Variants in MSI2 observed in about 807,000 individuals in gnomAD.
MSI2 encodes musashi RNA binding protein 2.
A neutral mutation model predicts 45.6 loss-of-function variants in MSI2; 17 were observed. The ratio of observed to expected loss-of-function variants is 0.37; its 90% CI spans 0.26 to 0.56. The LOEUF (loss-of-function observed/expected upper bound fraction) is 0.56. MSI2 is among the 20% of genes least tolerant of loss of function. The pLI is 0.77. For missense variants in MSI2, 293 were observed against 444.2 expected (o/e 0.66, Z 3.06); for synonymous variants, 156 against 158.2 (o/e 0.99, Z 0.11).
chr17:57,260,608 A>G (rs1385240042), intron 4 of MSI2, among the ~76,000 whole-genome samples: 1 of 152,144 alleles, frequency 6.6e-6, no homozygotes, highest in Non-Finnish European at 1.5e-5. Context: ...GACAAGCGCT[A>G]GTCAGTGCTG....
At chr17:57,399,108 A>T (rs909519134) in intron 5 of MSI2, among the ~76,000 whole-genome samples, 1 of 152,172 alleles carries the variant, frequency 6.6e-6, no homozygotes, top group Non-Finnish European at 1.5e-5. Context: ...TACCAGGGAG[A>T]CTTAAGGAAT....
At chr17:57,528,150 C>T (rs573092310) in intron 6 of MSI2, among the ~76,000 whole-genome samples, 5 of 152,030 alleles carry the variant, frequency 3.3e-5, no homozygotes, top group African/African-American at 1.2e-4. Context: ...CAACCTTGAG[C>T]ACAAAGTAAA....
At chr17:57,439,895 G>A (rs1183299106) in intron 6 of MSI2, among the ~76,000 whole-genome samples, 2 of 152,038 alleles carry the variant, frequency 1.3e-5, no homozygotes, top group Non-Finnish European at 2.9e-5. Flanking sequence ...ACAATGAAGA[G>A]AATTGAGAAA....
intron 11 of MSI2, among the ~76,000 whole-genome samples, chr17:57,673,158 T>C (rs1385621644): frequency 6.6e-6 from 1 of 152,316 alleles, no homozygotes; most frequent in East Asian, 1.9e-4. Flanking sequence ...CCCGTGTATC[T>C]TTGTGTCTCT....
intron 6 of MSI2, among the ~76,000 whole-genome samples, chr17:57,481,030 G>A (rs1391331158): frequency 1.3e-5 from 2 of 152,212 alleles, no homozygotes; most frequent in Non-Finnish European, 2.9e-5. Flanking sequence ...TCATAGTACA[G>A]GATGGTATAC....
chr17:57,344,060 G>T (rs1915393406), intron 5 of MSI2, among the ~76,000 whole-genome samples: 1 of 152,176 alleles, frequency 6.6e-6, no homozygotes, highest in Non-Finnish European at 1.5e-5. Context: ...AGCAGTCTGT[G>T]GGGAGATGCT....
chr17:57,670,692 T>C lies in MSI2; in HGVS notation c.791-4280T>C, dbSNP rs181606059. On this transcript the variant is annotated intron_variant, in intron 11 of 13. Coordinates refer to ENST00000284073, the MANE Select transcript of MSI2 (RefSeq NM_138962.4). ...GCCCAAGATGATTAAATGCACCAAA[T>C]GGATAAATTGGGTTTTTTGTCAATC... Among the ~76,000 whole-genome samples the C allele has an allele frequency of 3.8e-4, 58 of 152,288 alleles. 1 individual carries two copies. Among genetic ancestry groups the C allele is most frequent in the Admixed American group, 3.5e-3 (53 of 15,304 alleles).
At chr17:57,686,621 CA>C (rs113532596), downstream of MSI2, among the ~76,000 whole-genome samples, 3,075 of 152,194 alleles carry the variant, frequency 0.02, 97 homozygotes, top group African/African-American at 0.069. Flanking sequence ...ATGTCAGTAT[CA>C]GACAGAGTGG....
intron 12 of MSI2, 91 bp from the exon 13 acceptor site, chr17:57,676,896 A>G (rs1417827451): frequency 2.3e-6 from 2 of 862,008 alleles, no homozygotes; most frequent in African/African-American, 3.3e-5. Flanking sequence ...CAACCACAGA[A>G]CTAGTCCTAG....
At chr17:57,579,380 G>A (rs1220204071) in intron 7 of MSI2, among the ~76,000 whole-genome samples, 1 of 152,218 alleles carries the variant, frequency 6.6e-6, no homozygotes, top group Non-Finnish European at 1.5e-5. Flanking sequence ...CCCATGCTGG[G>A]TGGTGGGAGA....
At chr17:57,401,035 G>A (rs2083979757) in intron 5 of MSI2, among the ~76,000 whole-genome samples, 2 of 152,150 alleles carry the variant, frequency 1.3e-5, no homozygotes, top group Non-Finnish European at 1.5e-5. Context: ...TTATGCATTT[G>A]GGTCTGTTTT....
At chr17:57,396,884 G>A (rs1361160128) in intron 5 of MSI2, among the ~76,000 whole-genome samples, 1 of 152,240 alleles carries the variant, frequency 6.6e-6, no homozygotes, top group Non-Finnish European at 1.5e-5. Context: ...CCTGCTGGGA[G>A]AGGGGGCTGT....
chr17:57,290,984 C>T (rs992716907), intron 5 of MSI2, among the ~76,000 whole-genome samples: 4 of 152,220 alleles, frequency 2.6e-5, no homozygotes, highest in Non-Finnish European at 5.9e-5. Flanking sequence ...CGAGATGCCC[C>T]TGGGTGTCAG....
chr17:57,531,016 G>A (rs953857322), intron 7 of MSI2, among the ~76,000 whole-genome samples: 2 of 152,100 alleles, frequency 1.3e-5, no homozygotes, highest in African/African-American at 4.8e-5. Context: ...AGAGAAAGGA[G>A]GGGCATGCAG....
chr17:57,586,090 C>T (rs776457068), intron 7 of MSI2, among the ~76,000 whole-genome samples: 6 of 152,216 alleles, frequency 3.9e-5, no homozygotes, highest in Non-Finnish European at 7.3e-5. Context: ...AGATGGAACA[C>T]CACGCACAAA....
At chr17:57,368,449 G>A (rs771113864) in intron 5 of MSI2, among the ~76,000 whole-genome samples, 1 of 152,110 alleles carries the variant, frequency 6.6e-6, no homozygotes, top group African/African-American at 2.4e-5. Flanking sequence ...CCAGCTACTC[G>A]GGAGACTGAG....
intron 6 of MSI2, among the ~76,000 whole-genome samples, chr17:57,505,794 A>G (rs1364398638): frequency 1.3e-5 from 2 of 152,192 alleles, no homozygotes; most frequent in African/African-American, 4.8e-5. Flanking sequence ...TCGGGGGACA[A>G]GGTGAAAAGC....
At chr17:57,278,638 A>G (rs1299588395) in intron 5 of MSI2, 2 of 148,184 alleles carry the variant, frequency 1.3e-5, no homozygotes, top group African/African-American at 5.0e-5. Context: ...CCATCCCCCC[A>G]CTGCCCCCCC....
intron 7 of MSI2, among the ~76,000 whole-genome samples, chr17:57,578,481 G>T (rs986360765): frequency 6.6e-6 from 1 of 151,962 alleles, no homozygotes; most frequent in Non-Finnish European, 1.5e-5. Flanking sequence ...CAGGACTGGG[G>T]GGGTAGGATG....
Sources: gnomAD v4.1 joint callset for allele counts (sites outside exome capture counted in the v4.1 genomes callset) on GRCh38, gnomAD v4.1.1 for gene constraint, MANE v1.5 for transcripts, NCBI Gene and HGNC (gene_info 2026-07-23, HGNC 2026-07-21) for gene names.